DLG2: variants seen among roughly 807,000 people sequenced by gnomAD.
DLG2 encodes the protein disks large homolog 2.
In DLG2, 45 loss-of-function variants were observed where a neutral mutation model predicts 132.5. The observed-to-expected ratio is 0.34, with a 90% CI of 0.27 to 0.44. DLG2 has a LOEUF of 0.44. DLG2 is among the 20% of genes least tolerant of loss of function. DLG2 has a pLI of 1.00. For synonymous variants in DLG2, 424 were observed against 419.6 expected, an observed-to-expected ratio of 1.01 and a Z score of -0.13; for missense variants, 1,045 against 1,196.9, an observed-to-expected ratio of 0.87 and a Z score of 1.87.
intron 8 of DLG2, among the ~76,000 whole-genome samples, chr11:84,177,157 T>C (rs1444529851): frequency 1.3e-5 from 2 of 152,160 alleles, no homozygotes; most frequent in East Asian, 3.9e-4. Flanking sequence ...GTTTTCATTA[T>C]ACTCTTTGTT....
chr11:84,022,209 G>T (rs1006208341), intron 11 of DLG2, among the ~76,000 whole-genome samples: 1 of 152,112 alleles, frequency 6.6e-6, no homozygotes. Context: ...CACAGGAAAA[G>T]CTTGTTAAAA....
chr11:83,826,773 G>A (rs1375508417), intron 17 of DLG2, among the ~76,000 whole-genome samples: 1 of 152,154 alleles, frequency 6.6e-6, no homozygotes, highest in Admixed American at 6.5e-5. Flanking sequence ...TAGTGGTTTT[G>A]CTGGAGTTTG....
At chr11:84,721,576 G>A (rs1007956859) in intron 6 of DLG2, among the ~76,000 whole-genome samples, 3 of 151,470 alleles carry the variant, frequency 2.0e-5, no homozygotes, top group African/African-American at 7.3e-5. Context: ...CATGTGGCTG[G>A]CTGGCACAGC....
intron 21 of DLG2, among the ~76,000 whole-genome samples, chr11:83,485,015 G>A (rs1409322818): frequency 6.6e-6 from 1 of 152,066 alleles, no homozygotes; most frequent in Non-Finnish European, 1.5e-5. Flanking sequence ...CAGCCATGAG[G>A]CAATCAACCA....
intron 6 of DLG2, among the ~76,000 whole-genome samples, chr11:85,071,973 C>A (rs2065919870): frequency 6.6e-6 from 1 of 151,820 alleles, no homozygotes; most frequent in Admixed American, 6.6e-5. Flanking sequence ...ACAATTCAGT[C>A]CATGCCGCAA....
intron 18 of DLG2, among the ~76,000 whole-genome samples, chr11:83,716,007 G>T (rs2086607159): frequency 6.6e-6 from 1 of 152,076 alleles, no homozygotes; most frequent in Admixed American, 6.5e-5. Context: ...ATTGCATTTT[G>T]ATTGCCCCCA....
chr11:84,072,941 A>G (rs1393992994), intron 10 of DLG2, among the ~76,000 whole-genome samples: 1 of 152,158 alleles, frequency 6.6e-6, no homozygotes, highest in Admixed American at 6.5e-5. Context: ...AATCTAATAG[A>G]TGTGCTGATG....
chr11:85,339,829 G>T (rs181982496), intron 3 of DLG2, among the ~76,000 whole-genome samples: 1,874 of 152,212 alleles, frequency 0.012, 14 homozygotes, highest in Non-Finnish European at 0.018. Flanking sequence ...GTGGGCAAAG[G>T]ATATGAACAG....
chr11:83,459,512 T>A lies in DLG2; in HGVS notation c.*306A>T, dbSNP rs1263280060. The A allele has an allele frequency of 4.7e-6, 1 of 214,276 alleles. No individual in the cohort carries two copies. The highest frequency in any genetic ancestry group is 9.3e-6 in the Non-Finnish European group (1 of 107,372). The allele number at this position is 214,276 out of a possible 1,614,324, so 13.3% of individuals were successfully genotyped here. ...TCTGCAGCTAAATCAGCTCTGGACA[T>A]CTGCTGGGGTGAGGAGGCTCTCATC... On this transcript the variant is annotated 3_prime_UTR_variant, in exon 28 of 28. Coordinates refer to ENST00000376104, the MANE Select transcript of DLG2 (RefSeq NM_001142699.3).
At chr11:84,860,947 T>A (rs1366097584) in intron 6 of DLG2, among the ~76,000 whole-genome samples, 1 of 152,110 alleles carries the variant, frequency 6.6e-6, no homozygotes, top group African/African-American at 2.4e-5. Context: ...TGCACTTATT[T>A]TTTTATCCAG....
intron 3 of DLG2, among the ~76,000 whole-genome samples, chr11:85,484,530 A>G (rs1296562249): frequency 6.6e-6 from 1 of 151,586 alleles, no homozygotes; most frequent in African/African-American, 2.4e-5. Context: ...CCCCATCAAA[A>G]AGTGGGCGAA....
chr11:84,293,413 C>T (rs1456507393), intron 7 of DLG2, among the ~76,000 whole-genome samples: 2 of 152,118 alleles, frequency 1.3e-5, no homozygotes, highest in Admixed American at 1.3e-4. Context: ...GTGGCTCACG[C>T]CTGTAATCCC....
chr11:84,784,345 TA>T (rs1565952994), intron 6 of DLG2, among the ~76,000 whole-genome samples: 69 of 147,030 alleles, frequency 4.7e-4, no homozygotes, highest in South Asian at 1.5e-3. Context: ...AATAAATAAA[TA>T]AATAAATAAA....
At chr11:85,548,860 G>A (rs555136541) in intron 3 of DLG2, among the ~76,000 whole-genome samples, 35 of 152,252 alleles carry the variant, frequency 2.3e-4, no homozygotes, top group African/African-American at 6.3e-4. Flanking sequence ...CGAGCATCGC[G>A]GGTCAAGCTC....
intron 6 of DLG2, among the ~76,000 whole-genome samples, chr11:84,852,136 G>C (rs972125481): frequency 6.6e-6 from 1 of 151,992 alleles, no homozygotes; most frequent in Non-Finnish European, 1.5e-5. Context: ...AGCTATAGCT[G>C]CTTCTTTTTA....
rs642735 is a variant in DLG2 at position 85,607,905 on chromosome 11, A to G, written c.-92-9117T>C. ...TTTATAGGACATGGGTAAAATCCCA[A>G]TACTAACAGAAGAATGCTTAGGACT... is the stretch of plus-strand genomic sequence containing the variant. On this transcript the variant is annotated intron_variant, in intron 2 of 27. Coordinates refer to ENST00000376104, the MANE Select transcript of DLG2 (RefSeq NM_001142699.3). Among the ~76,000 whole-genome samples, 192 of 152,198 alleles carry G rather than the reference A, an allele frequency of 1.3e-3. 3 individuals are homozygous for G. The highest frequency in any genetic ancestry group is 1.7e-3 in the Admixed American group (26 of 15,278).
At chr11:84,307,910 C>G (rs2098242698) in intron 7 of DLG2, among the ~76,000 whole-genome samples, 1 of 151,936 alleles carries the variant, frequency 6.6e-6, no homozygotes, top group Admixed American at 6.6e-5. Flanking sequence ...TGGAGTTGTT[C>G]GTTCCTCCCG....
At chr11:84,564,808 C>G (rs1388810173) in intron 6 of DLG2, among the ~76,000 whole-genome samples, 2 of 152,154 alleles carry the variant, frequency 1.3e-5, no homozygotes, top group African/African-American at 4.8e-5. Flanking sequence ...GCTACCTGAA[C>G]TACAGTTACC....
chr11:84,529,099 T>A (rs2099329217), intron 7 of DLG2, among the ~76,000 whole-genome samples: 1 of 152,200 alleles, frequency 6.6e-6, no homozygotes, highest in Non-Finnish European at 1.5e-5. Context: ...CATTTATTCC[T>A]ATTACTATTG....
Sources: allele counts gnomAD v4.1 joint callset (sites outside exome capture counted in the v4.1 genomes callset), GRCh38; gene constraint gnomAD v4.1.1; transcripts MANE v1.5; gene names NCBI Gene and HGNC (gene_info 2026-07-23, HGNC 2026-07-21).